Variants in SOX6 observed in about 807,000 individuals in gnomAD.
SOX6 encodes the protein SRY-box transcription factor 6.
In SOX6, 11 loss-of-function variants were observed where a neutral mutation model predicts 97.8. The ratio of observed to expected loss-of-function variants is 0.11; its 90% CI spans 0.07 to 0.19. The LOEUF is 0.19. Ranked by LOEUF, SOX6 falls within the 10% of genes least tolerant of loss-of-function variation. SOX6 has a pLI of 1.00. For synonymous variants in SOX6, 360 were observed against 371.4 expected (o/e 0.97, Z 0.35); for missense variants, 810 against 1,039.5 (o/e 0.78, Z 3.04).
At chr11:16,244,850 G>A (rs1853291567) in intron 3 of SOX6, among the ~76,000 whole-genome samples, 1 of 151,626 alleles carries the variant, frequency 6.6e-6, no homozygotes, top group Non-Finnish European at 1.5e-5. Flanking sequence ...ATACCAAACT[G>A]TCTTCATTGT....
At chr11:16,684,282 G>A (rs1364277447) in intron 3 of SOX6, among the ~76,000 whole-genome samples, 1 of 152,150 alleles carries the variant, frequency 6.6e-6, no homozygotes, top group Non-Finnish European at 1.5e-5. Flanking sequence ...ACATGCACAA[G>A]TATGTATATT....
intron 3 of SOX6, among the ~76,000 whole-genome samples, chr11:16,647,640 A>G (rs1849033241): frequency 6.6e-6 from 1 of 152,218 alleles, no homozygotes; most frequent in Non-Finnish European, 1.5e-5. Flanking sequence ...GAAAGAAGTG[A>G]CATGCTGCTG....
intron 7 of SOX6, among the ~76,000 whole-genome samples, chr11:16,102,255 A>G (rs1008332568): frequency 1.3e-5 from 2 of 151,956 alleles, no homozygotes; most frequent in African/African-American, 4.8e-5. Flanking sequence ...CTGAGAATCA[A>G]ATCAAGAACT....
chr11:16,325,286 C>A (rs1856052449), intron 2 of SOX6, among the ~76,000 whole-genome samples: 1 of 151,608 alleles, frequency 6.6e-6, no homozygotes, highest in African/African-American at 2.4e-5. Context: ...AATATAACAC[C>A]AATTATTTAT....
At chr11:16,646,483 T>A (rs937951667) in intron 3 of SOX6, among the ~76,000 whole-genome samples, 1 of 151,936 alleles carries the variant, frequency 6.6e-6, no homozygotes. Flanking sequence ...TTTTTTTTTT[T>A]ATTTCCATAG....
intron 3 of SOX6, among the ~76,000 whole-genome samples, chr11:16,694,993 T>C (rs924491643): frequency 5.3e-5 from 8 of 152,172 alleles, no homozygotes; most frequent in African/African-American, 1.9e-4. Flanking sequence ...AGGATGTGCA[T>C]AGGTTATATG....
intron 3 of SOX6, among the ~76,000 whole-genome samples, chr11:16,251,337 T>C (rs542609911): frequency 6.6e-6 from 1 of 152,166 alleles, no homozygotes; most frequent in Admixed American, 6.5e-5. Flanking sequence ...GATAGTTCTT[T>C]GAAAAGATTA....
upstream of SOX6, among the ~76,000 whole-genome samples, chr11:16,480,645 A>AT (rs1860326533): frequency 6.8e-6 from 1 of 148,104 alleles, no homozygotes; most frequent in Non-Finnish European, 1.5e-5. Flanking sequence ...GTTTTTAGTA[A>AT]CCCCCCCCCC....
At chr11:16,345,488 T>C (rs1476391941) in intron 1 of SOX6, among the ~76,000 whole-genome samples, 1 of 152,018 alleles carries the variant, frequency 6.6e-6, no homozygotes, top group Non-Finnish European at 1.5e-5. Flanking sequence ...TTACTGAGAA[T>C]GTTCTCTAGG....
chr11:16,064,519 CAT>C (rs34969974), intron 9 of SOX6, among the ~76,000 whole-genome samples: 11,721 of 146,298 alleles, frequency 0.08, 984 homozygotes, highest in East Asian at 0.37. Flanking sequence ...CAAAGCCATA[CAT>C]ATATATATAT....
chr11:16,323,718 C>T (rs1410777562), intron 2 of SOX6, among the ~76,000 whole-genome samples: 2 of 151,982 alleles, frequency 1.3e-5, no homozygotes, highest in African/African-American at 4.8e-5. Context: ...TAATAATATA[C>T]TGGAATAAAA....
Position 16,232,601 on chromosome 11 carries a change from G to C in SOX6, c.535+1981C>G, listed in dbSNP as rs897093775. Reference sequence around the variant, plus strand: ...CTTAAATATAAAGAAAGACGGAAAGGGGGGGAGAAAATATACCCTGAAGTA... The same window carrying C: ...CTTAAATATAAAGAAAGACGGAAAGCGGGGGAGAAAATATACCCTGAAGTA... On this transcript the variant is annotated intron_variant, in intron 4 of 15. Transcript: ENST00000683767. Among the ~76,000 whole-genome samples the C allele has an allele frequency of 5.9e-5, 9 of 152,018 alleles. No homozygotes were observed. The South Asian group carries it at 6.2e-4, about 11-fold the overall frequency.
chr11:16,305,231 C>T (rs1855390315), intron 3 of SOX6, among the ~76,000 whole-genome samples: 1 of 151,962 alleles, frequency 6.6e-6, no homozygotes, highest in African/African-American at 2.4e-5. Context: ...TAAAACAATC[C>T]AATTAGAAAA....
chr11:16,576,031 C>CACACACACTCAGTTTTAAAAGTTAAA (rs1267641888), intron 4 of SOX6, among the ~76,000 whole-genome samples: 1 of 29,050 alleles, frequency 3.4e-5, no homozygotes, highest in Admixed American at 3.8e-4. Flanking sequence ...ACCACAACTA[C>CACACACACTCAGTTTTAAAAGTTAAA]GGCCGGGCGC....
intron 3 of SOX6, 143 bp from the exon 4 acceptor site, chr11:16,234,814 T>G: frequency 2.1e-6 from 1 of 475,522 alleles, no homozygotes. Context: ...AAAATTACAT[T>G]ATTCTATAAT....
chr11:16,519,647 G>C (rs1861026654), intron 4 of SOX6, among the ~76,000 whole-genome samples: 1 of 152,116 alleles, frequency 6.6e-6, no homozygotes, highest in Non-Finnish European at 1.5e-5. Flanking sequence ...TTTGTGAATA[G>C]TGCTGCAGTA....
intron 4 of SOX6, 42 bp downstream of exon 4, chr11:16,234,540 C>G (rs199879583): frequency 7.4e-5 from 84 of 1,136,562 alleles, no homozygotes; most frequent in Admixed American, 4.9e-4. Context: ...AAAATAACAT[C>G]ACATCACTGC....
At chr11:16,506,400 C>T (rs1204588960) in intron 4 of SOX6, among the ~76,000 whole-genome samples, 12 of 152,160 alleles carry the variant, frequency 7.9e-5, no homozygotes, top group Non-Finnish European at 5.9e-5. Context: ...TCCCCAATGC[C>T]TATACCCCCA....
intron 3 of SOX6, among the ~76,000 whole-genome samples, chr11:16,289,064 T>G (rs1279449308): frequency 1.3e-5 from 2 of 151,784 alleles, no homozygotes; most frequent in Non-Finnish European, 2.9e-5. Flanking sequence ...AGAAAAAAAT[T>G]AAGTAATGGC....
Sources: allele counts gnomAD v4.1 joint callset (sites outside exome capture counted in the v4.1 genomes callset), GRCh38; gene constraint gnomAD v4.1.1; transcripts MANE v1.5; gene names NCBI Gene and HGNC (gene_info 2026-07-23, HGNC 2026-07-21).